The following KIAA0586 variants were observed in gnomAD, a reference collection of about 807,000 sequenced individuals.
The protein encoded by KIAA0586 is protein TALPID3.
In KIAA0586, 144 loss-of-function variants were observed where a neutral mutation model predicts 169.8. The ratio of observed to expected loss-of-function variants is 0.85; its 90% CI spans 0.74 to 0.97. The LOEUF (loss-of-function observed/expected upper bound fraction) is 0.97. Ranked by LOEUF, KIAA0586 falls within the 50% of genes least tolerant of loss-of-function variation. KIAA0586 has a pLI of 0.00. For missense variants in KIAA0586, 1,854 were observed against 1,823.0 expected (o/e 1.02, Z -0.31); for synonymous variants, 625 against 612.4 (o/e 1.02, Z -0.30).
chr14:58,558,083 G>A, the KIAA0586 span, among the ~76,000 whole-genome samples: 7 of 151,450 alleles, frequency 4.6e-5, no homozygotes, highest in East Asian at 1.2e-3. Context: ...CTAATTTTTT[G>A]TATTTTTAGT....
chr14:58,480,221 T>C (rs528295179), intron 20 of KIAA0586, among the ~76,000 whole-genome samples: 8,441 of 152,138 alleles, frequency 0.055, 278 homozygotes, highest in South Asian at 0.11. Context: ...TCAAAAATGT[T>C]TCCCTTTTTC....
chr14:58,485,316 A>T (rs1202316301), intron 21 of KIAA0586, among the ~76,000 whole-genome samples: 1 of 152,070 alleles, frequency 6.6e-6, no homozygotes, highest in Non-Finnish European at 1.5e-5. Flanking sequence ...GATGAAGATG[A>T]TCAACCTCAT....
intron 29 of KIAA0586, among the ~76,000 whole-genome samples, chr14:58,536,555 G>A (rs1406230396): frequency 1.3e-5 from 2 of 152,078 alleles, no homozygotes; most frequent in African/African-American, 4.8e-5. Flanking sequence ...ACTATAACAT[G>A]GTTTACTTTC....
chr14:58,487,210 A>C (rs975913430), intron 22 of KIAA0586, 44 bp downstream of exon 22: 4 of 1,490,368 alleles, frequency 2.7e-6, no homozygotes, highest in Admixed American at 1.8e-5. Flanking sequence ...TTTAGCAACT[A>C]TTAAATTTCA....
rs966237090 is a variant in KIAA0586 at position 58,506,682 on chromosome 14, C to CA, written c.4169-1856dup. Reference sequence around the variant, plus strand: ...AGCCTGGGTGAGTGAGTCTCCGTCTCAAAAAAAAAAAAAAAAATTAAAACT... The same window carrying CA: ...AGCCTGGGTGAGTGAGTCTCCGTCTCAAAAAAAAAAAAAAAAAATTAAAACT... On this transcript the variant is annotated intron_variant, in intron 27 of 30. Coordinates refer to ENST00000652326, the MANE Select transcript of KIAA0586 (RefSeq NM_001329943.3). Among the ~76,000 whole-genome samples, 727 of 77,512 alleles carry CA rather than the reference C, an allele frequency of 9.4e-3. 2 individuals are homozygous for CA. The highest frequency in any genetic ancestry group is 0.033 in the Middle Eastern group (3 of 90). The allele number at this position is 77,512 out of a possible 152,430, so 50.9% of individuals were successfully genotyped here.
At chr14:58,492,023 C>G (rs1260496186) in intron 25 of KIAA0586, 121 bp from the exon 26 acceptor site, 20 of 720,198 alleles carry the variant, frequency 2.8e-5, no homozygotes, top group Non-Finnish European at 3.8e-5. Flanking sequence ...AGTTCATCTC[C>G]TTTCCAAAAA....
intron 30 of KIAA0586, among the ~76,000 whole-genome samples, chr14:58,543,179 A>C (rs2046766810): frequency 1.3e-5 from 2 of 150,538 alleles, no homozygotes; most frequent in Admixed American, 1.3e-4. Context: ...TGGTACTCAT[A>C]TTTTTTTTAT....
intron 16 of KIAA0586, among the ~76,000 whole-genome samples, chr14:58,468,945 T>A (rs2040987656): frequency 6.6e-6 from 1 of 152,188 alleles, no homozygotes; most frequent in Non-Finnish European, 1.5e-5. Flanking sequence ...AGAGAAGACT[T>A]GCCTCATTCT....
At chr14:58,556,701 TATA>T in the KIAA0586 span, among the ~76,000 whole-genome samples, 3 of 152,228 alleles carry the variant, frequency 2.0e-5, no homozygotes, top group African/African-American at 7.2e-5. Context: ...CTTTTGTAAG[TATA>T]ATATCTGTGA....
intron 29 of KIAA0586, chr14:58,521,966 G>A (rs139949329): frequency 1.5e-6 from 2 of 1,365,096 alleles, no homozygotes; most frequent in Admixed American, 1.7e-5. Context: ...GACAGAGACA[G>A]CACCAATGGC....
intron 4 of KIAA0586, among the ~76,000 whole-genome samples, chr14:58,435,701 G>A (rs1386356635): frequency 6.6e-6 from 1 of 151,866 alleles, no homozygotes; most frequent in African/African-American, 2.4e-5. Context: ...AGAATAGAAT[G>A]ATACATTCCT....
At chr14:58,543,255 T>C (rs1470966013) in intron 30 of KIAA0586, among the ~76,000 whole-genome samples, 3 of 152,140 alleles carry the variant, frequency 2.0e-5, no homozygotes, top group African/African-American at 4.8e-5. Context: ...TTTCTATCCC[T>C]CTTACCTTTT....
At chr14:58,541,891 A>G (rs1460929691) in intron 30 of KIAA0586, among the ~76,000 whole-genome samples, 1 of 152,212 alleles carries the variant, frequency 6.6e-6, no homozygotes, top group African/African-American at 2.4e-5. Flanking sequence ...ACCTGAAAAC[A>G]GCTGTTGAAA....
In KIAA0586 at chr14:58,548,009, A is replaced by G. The variant is rs375948139; in HGVS notation, c.*77A>G. 1.3e-6 allele frequency: 2 copies of G among 1,492,126 alleles called. No homozygotes were observed. The highest frequency in any genetic ancestry group is 2.7e-5 in the South Asian group (2 of 74,758). The allele number at this position is 1,492,126 out of a possible 1,614,324, so 92.4% of individuals were successfully genotyped here. On this transcript the variant is annotated 3_prime_UTR_variant, in exon 31 of 31. Transcript: ENST00000652326. ...TTACCTTGGCTTAAAACCCTCTCTC[A>G]GACTGTTTGGTTTTTGAGCATATTC... is the stretch of plus-strand genomic sequence containing the variant.
At chr14:58,543,488 C>A (rs1015574921) in intron 30 of KIAA0586, among the ~76,000 whole-genome samples, 49 of 152,152 alleles carry the variant, frequency 3.2e-4, no homozygotes, top group African/African-American at 1.1e-3. Flanking sequence ...CTGCCCTGTT[C>A]CAGAATCCAT....
At position 58,460,997 on chromosome 14, in the gene KIAA0586, A is replaced by G. The variant is rs760162925; in HGVS notation, c.1896A>G (p.Lys632=). 7.8e-5 allele frequency: 125 copies of G among 1,596,076 alleles called. 1 individual carries two copies. In the South Asian group the frequency reaches 1.4e-3, roughly 17 times the overall value. ...LQKERKEGLL[K]ATTVIQDEDY... ...CTTTGTACACACAGGGGCTTTTGAA[A>G]GCAACCACAGTAATACAAGATGAAG... The change falls in exon 14 of 31, where the codon AAA becomes AAG. Residue 632 remains lysine (K), a synonymous_variant. Transcript: ENST00000652326.
intron 29 of KIAA0586, chr14:58,522,084 A>G (rs1336859905): frequency 2.8e-6 from 2 of 724,034 alleles, no homozygotes; most frequent in East Asian, 2.6e-5. Context: ...CTCCCATGGT[A>G]TCTTCAGCAC....
chr14:58,440,783 G>A (rs1261358722), intron 4 of KIAA0586, among the ~76,000 whole-genome samples: 2 of 152,240 alleles, frequency 1.3e-5, no homozygotes, highest in Non-Finnish European at 2.9e-5. Flanking sequence ...TTTACATGTG[G>A]AATCTGAAAA....
intron 24 of KIAA0586, among the ~76,000 whole-genome samples, chr14:58,489,305 A>G (rs1200714393): frequency 1.4e-5 from 2 of 147,818 alleles, no homozygotes; most frequent in African/African-American, 5.0e-5. Context: ...CTGCAGCCTC[A>G]ACTTCCTGGG....
Sources: allele counts gnomAD v4.1 joint callset (sites outside exome capture counted in the v4.1 genomes callset), GRCh38; gene constraint gnomAD v4.1.1; transcripts MANE v1.5; gene names NCBI Gene and HGNC (gene_info 2026-07-23, HGNC 2026-07-21).